The following TRERF1 variants were observed in gnomAD, a reference collection of about 807,000 sequenced individuals.
The protein encoded by TRERF1 is transcriptional-regulating factor 1.
TRERF1 carries 27 observed loss-of-function variants against 122.9 expected under a neutral mutation model. The ratio of observed to expected loss-of-function variants is 0.22; its 90% CI spans 0.16 to 0.30. TRERF1 has a LOEUF of 0.30. Among genes scored for constraint, TRERF1 ranks in the 10% least tolerant of loss-of-function variants. The pLI, the probability that TRERF1 is intolerant of heterozygous loss-of-function variation, is 1.00. For missense variants in TRERF1, 1,248 were observed against 1,560.3 expected (o/e 0.80, Z 3.37); for synonymous variants, 636 against 641.7 (o/e 0.99, Z 0.13).
chr6:42,417,055 C>T (rs1292311609), intron 2 of TRERF1, among the ~76,000 whole-genome samples: 2 of 152,122 alleles, frequency 1.3e-5, no homozygotes, highest in African/African-American at 2.4e-5. Flanking sequence ...CTACTGCACC[C>T]CTCCTCCCTG....
intron 13 of TRERF1, 30 bp from the exon 14 acceptor site, chr6:42,246,574 A>G (rs1309135208): frequency 6.6e-7 from 1 of 1,504,610 alleles, no homozygotes; most frequent in East Asian, 2.3e-5. Flanking sequence ...TCATAAGAAC[A>G]GCTCACAGTT....
In TRERF1 at chr6:42,232,684, C is replaced by G; in HGVS notation, c.3275G>C (p.Gly1092Ala). Residue 1092 changes from glycine (G) to alanine (A), a missense_variant, in exon 17 of 18, where the codon GGC becomes GCC. This residue lies in a region of TRERF1 where 159 missense variants were observed against 221.7 expected (regional missense o/e 0.72). Transcript: ENST00000372922. The surrounding 1 kb of genome is among the most constrained non-coding windows in gnomAD (Gnocchi z 4.5). ...GTCCCCGGTCCCCTGCACCTACTTGCCACACTCCTTGCAGGGGAAGATGGT... is the reference window on the plus strand; with the variant it reads ...GTCCCCGGTCCCCTGCACCTACTTGGCACACTCCTTGCAGGGGAAGATGGT... The G allele has an allele frequency of 6.3e-7, 1 of 1,594,016 alleles. No individual in the cohort carries two copies. Among genetic ancestry groups the G allele is most frequent in the Non-Finnish European group, 8.6e-7 (1 of 1,164,744 alleles).
At chr6:42,225,018 G>C (rs980034604), downstream of TRERF1, 1 of 152,020 alleles carries the variant, frequency 6.6e-6, no homozygotes, top group Non-Finnish European at 1.5e-5. Context: ...GTGTCTGTTT[G>C]GTTACATCTC....
chr6:42,234,534 G>T (rs933440682), intron 16 of TRERF1, among the ~76,000 whole-genome samples: 1 of 151,956 alleles, frequency 6.6e-6, no homozygotes, highest in African/African-American at 2.4e-5. Context: ...GTAGAGACGG[G>T]GTTTCACCAT....
chr6:42,410,102 A>G (rs930736407), intron 2 of TRERF1, among the ~76,000 whole-genome samples: 3 of 152,126 alleles, frequency 2.0e-5, no homozygotes, highest in African/African-American at 7.2e-5. Flanking sequence ...TCTGTGTTGA[A>G]TCAGACTTAT....
chr6:42,410,532 T>C (rs892789922), intron 2 of TRERF1, among the ~76,000 whole-genome samples: 1 of 152,114 alleles, frequency 6.6e-6, no homozygotes, highest in African/African-American at 2.4e-5. Context: ...GATATCAACC[T>C]CCAAAACCCA....
chr6:42,292,393 T>A (rs1443840201), intron 4 of TRERF1, among the ~76,000 whole-genome samples: 1 of 152,182 alleles, frequency 6.6e-6, no homozygotes, highest in Non-Finnish European at 1.5e-5. Flanking sequence ...CCTTGCTTAC[T>A]CTAACATCCC....
chr6:42,376,517 C>T (rs1774895783), intron 2 of TRERF1, among the ~76,000 whole-genome samples: 2 of 145,630 alleles, frequency 1.4e-5, no homozygotes, highest in African/African-American at 5.1e-5. Context: ...TTGAAACCTT[C>T]ATGACTTTTC....
intron 2 of TRERF1, among the ~76,000 whole-genome samples, chr6:42,385,592 C>A (rs1776663025): frequency 2.0e-5 from 3 of 152,308 alleles, no homozygotes; most frequent in East Asian, 3.9e-4. Flanking sequence ...ACCCCGAAAC[C>A]TATCGGGAGT....
Position 42,263,522 on chromosome 6 carries a change from G to A in TRERF1, c.1682C>T (p.Pro561Leu), listed in dbSNP as rs781340083. The change falls in exon 8 of 18, where the codon CCG (proline) becomes CTG (leucine). Residue 561 changes from proline to leucine, a missense_variant. Physicochemically the swap from Pro to Leu is moderately conservative, Grantham distance 98. Around this residue, in one of 5 missense-constraint regions of TRERF1, gnomAD observed 946 missense variants for 1,073.0 expected, o/e 0.88. Coordinates refer to ENST00000372922, the Ensembl canonical transcript of TRERF1. The surrounding 1 kb of genome is among the most constrained non-coding windows in gnomAD (Gnocchi z 5.6). ...TGGCGGCGGAGGCGGAGGCGGAGGCGGCAGTGGTGGCTGGGGCTGAGGCGG... is the reference window on the plus strand; with the variant it reads ...TGGCGGCGGAGGCGGAGGCGGAGGCAGCAGTGGTGGCTGGGGCTGAGGCGG... 5.7e-5 allele frequency: 89 copies of A among 1,565,444 alleles called. 1 individual carries two copies. The Middle Eastern group carries it at 1.0e-3, about 18-fold the overall frequency.
chr6:42,448,348 G>A (rs1184411291), intron 2 of TRERF1, among the ~76,000 whole-genome samples: 2 of 152,170 alleles, frequency 1.3e-5, no homozygotes, highest in African/African-American at 2.4e-5. Context: ...TGGTACCTAG[G>A]ATATGTACAT....
intron 2 of TRERF1, among the ~76,000 whole-genome samples, chr6:42,421,211 T>C (rs1031695054): frequency 2.0e-5 from 3 of 152,228 alleles, no homozygotes; most frequent in African/African-American, 4.8e-5. Context: ...GTGCCTTCCA[T>C]AGTAGTCTAA....
chr6:42,307,106 T>G (rs889571281), intron 3 of TRERF1, among the ~76,000 whole-genome samples: 1 of 152,196 alleles, frequency 6.6e-6, no homozygotes, highest in African/African-American at 2.4e-5. Flanking sequence ...CCTAGAACAA[T>G]TCTGAAGCAG....
intron 2 of TRERF1, among the ~76,000 whole-genome samples, chr6:42,428,963 T>G (rs559866784): frequency 1.3e-5 from 2 of 152,298 alleles, no homozygotes; most frequent in African/African-American, 4.8e-5. Context: ...CAAGGTCCCC[T>G]GGCACTGTCC....
exon 18 of TRERF1, chr6:42,226,269 C>T (rs1769491196): frequency 6.6e-6 from 1 of 152,226 alleles, no homozygotes; most frequent in Non-Finnish European, 1.5e-5. Flanking sequence ...AATCTCTAAA[C>T]AGAGGCAATA....
chr6:42,394,555 G>A (rs569411470), intron 2 of TRERF1, among the ~76,000 whole-genome samples: 1 of 152,188 alleles, frequency 6.6e-6, no homozygotes, highest in African/African-American at 2.4e-5. Flanking sequence ...CACTCAGCCA[G>A]CGAGTGTCCA....
chr6:42,442,530 G>A (rs1386558959), intron 2 of TRERF1, among the ~76,000 whole-genome samples: 2 of 152,188 alleles, frequency 1.3e-5, no homozygotes, highest in African/African-American at 4.8e-5. Flanking sequence ...GCTGACAGTA[G>A]GACACAGATG....
intron 4 of TRERF1, among the ~76,000 whole-genome samples, chr6:42,291,506 T>G (rs538091825): frequency 6.6e-6 from 1 of 152,094 alleles, no homozygotes; most frequent in African/African-American, 2.4e-5. Flanking sequence ...TGGACAAGTT[T>G]TTTGTTTTGT....
At chr6:42,312,240 G>A (rs1385918476) in intron 3 of TRERF1, among the ~76,000 whole-genome samples, 1 of 152,148 alleles carries the variant, frequency 6.6e-6, no homozygotes, top group Admixed American at 6.5e-5. Context: ...CAGTCTGAAT[G>A]GAACCTTCCT....
Sources: gnomAD v4.1 joint callset for allele counts (sites outside exome capture counted in the v4.1 genomes callset) on GRCh38, gnomAD v4.1.1 for gene constraint, gnomAD v4.1.1 regional missense constraint, Gnocchi (gnomAD v3.1) non-coding constraint, MANE v1.5 for transcripts, NCBI Gene and HGNC (gene_info 2026-07-23, HGNC 2026-07-21) for gene names.